ZC3H3: variants seen among roughly 807,000 people sequenced by gnomAD.
ZC3H3 encodes zinc finger CCCH-type containing 3.
A neutral mutation model predicts 77.3 loss-of-function variants in ZC3H3; 36 were observed. The ratio of observed to expected loss-of-function variants is 0.47; its 90% CI spans 0.36 to 0.61. ZC3H3 has a LOEUF of 0.61. Ranked by LOEUF, ZC3H3 falls within the 20% of genes least tolerant of loss-of-function variation. ZC3H3 has a pLI of 0.00. For missense variants in ZC3H3, 1,331 were observed against 1,312.2 expected, an observed-to-expected ratio of 1.01 and a Z score of -0.22; for synonymous variants, 626 against 555.2, an observed-to-expected ratio of 1.13 and a Z score of -1.79.
chr8:143,508,563 T>G (rs989145786), intron 3 of ZC3H3, among the ~76,000 whole-genome samples: 1 of 152,232 alleles, frequency 6.6e-6, no homozygotes, highest in African/African-American at 2.4e-5. Flanking sequence ...GCTGGCAATT[T>G]ACCCACAGCT....
At chr8:143,476,614 G>C (rs1820741700) in intron 4 of ZC3H3, among the ~76,000 whole-genome samples, 1 of 152,232 alleles carries the variant, frequency 6.6e-6, no homozygotes, top group Admixed American at 6.5e-5. Flanking sequence ...TTCCACATGA[G>C]CTCACGCTCT....
At chr8:143,536,057 C>CAGCAG (rs1415302717) in intron 3 of ZC3H3, among the ~76,000 whole-genome samples, 200 bp downstream of exon 3, 1 of 152,232 alleles carries the variant, frequency 6.6e-6, no homozygotes, top group Non-Finnish European at 1.5e-5. Flanking sequence ...GCAGCACATC[C>CAGCAG]CACAGCCAGA....
intron 1 of ZC3H3, among the ~76,000 whole-genome samples, chr8:143,539,805 G>GA (rs1822949625): frequency 1.3e-5 from 2 of 152,158 alleles, no homozygotes; most frequent in Non-Finnish European, 2.9e-5. Flanking sequence ...CTGACAACAG[G>GA]AAAAAAGAAT....
intron 4 of ZC3H3, among the ~76,000 whole-genome samples, chr8:143,503,497 G>A (rs919193432): frequency 2.1e-5 from 3 of 143,562 alleles, no homozygotes; most frequent in Non-Finnish European, 4.8e-5. Flanking sequence ...GCCATCTCCC[G>A]ACCACCTCCC....
At chr8:143,534,210 G>T (rs79374845) in intron 3 of ZC3H3, among the ~76,000 whole-genome samples, 10 of 149,986 alleles carry the variant, frequency 6.7e-5, no homozygotes, top group African/African-American at 2.2e-4. Flanking sequence ...GGTTGAGGCT[G>T]CAATGAGCTG....
chr8:143,484,776 C>G, intron 4 of ZC3H3: 1 of 377,410 alleles, frequency 2.6e-6, no homozygotes, highest in South Asian at 2.0e-5. Context: ...TGCCTAGGCC[C>G]TCAAGGACCC....
chr8:143,482,072 A>G (rs1326295404), intron 4 of ZC3H3, among the ~76,000 whole-genome samples: 1 of 152,248 alleles, frequency 6.6e-6, no homozygotes, highest in Non-Finnish European at 1.5e-5. Context: ...CTCGTTCTCA[A>G]GATGACCAGG....
intron 4 of ZC3H3, among the ~76,000 whole-genome samples, chr8:143,484,107 G>A (rs781044057): frequency 6.6e-6 from 1 of 152,210 alleles, no homozygotes; most frequent in African/African-American, 2.4e-5. Context: ...GGGCCCCTGA[G>A]GACAGGGACA....
chr8:143,450,759 T>G (rs1819968831), intron 9 of ZC3H3, among the ~76,000 whole-genome samples: 1 of 152,034 alleles, frequency 6.6e-6, no homozygotes, highest in African/African-American at 2.4e-5. Flanking sequence ...GCTAAACTAT[T>G]ATAAACCATC....
intron 5 of ZC3H3, among the ~76,000 whole-genome samples, chr8:143,474,612 A>T (rs1324907695): frequency 6.6e-6 from 1 of 152,126 alleles, no homozygotes; most frequent in Non-Finnish European, 1.5e-5. Flanking sequence ...CTGCCGTCGG[A>T]GTCTACCTCC....
chr8:143,441,130 GAA>G lies in ZC3H3; in HGVS notation c.2308-12_2308-11del. 2 of 1,408,264 alleles carry G rather than the reference GAA, an allele frequency of 1.4e-6. No individual in the cohort carries two copies. The highest frequency in any genetic ancestry group is 6.0e-5 in the East Asian group (2 of 33,372). The allele number at this position is 1,408,264 out of a possible 1,614,324, so 87.2% of individuals were successfully genotyped here. A position where few individuals can be genotyped will look rare whatever the true frequency, so the allele number is the denominator to read the frequency against. ...TGTGTTTCTTCTTGCACTGCAGAGA[GAA>G]GGGGTGCAGGTGGGTGGGCCGGCTG... On this transcript the variant is annotated splice_polypyrimidine_tract_variant and intron_variant, in intron 9 of 11. Transcript: ENST00000262577.
At chr8:143,540,072 C>T (rs1822959619) in intron 1 of ZC3H3, among the ~76,000 whole-genome samples, 1 of 152,246 alleles carries the variant, frequency 6.6e-6, no homozygotes, top group African/African-American at 2.4e-5. Context: ...GACGTGTTGA[C>T]GCCCCAGAGC....
intron 3 of ZC3H3, among the ~76,000 whole-genome samples, chr8:143,508,122 G>A (rs1696777639): frequency 6.6e-6 from 1 of 152,258 alleles, no homozygotes; most frequent in African/African-American, 2.4e-5. Flanking sequence ...TGAGAGGCGG[G>A]CACCAGCCCC....
chr8:143,525,352 G>A (rs922521130), intron 3 of ZC3H3, among the ~76,000 whole-genome samples: 3 of 152,270 alleles, frequency 2.0e-5, no homozygotes, highest in Non-Finnish European at 4.4e-5. Flanking sequence ...GGTGGTGCAG[G>A]CACGGGCGTG....
At chr8:143,522,037 G>A (rs977203558) in intron 3 of ZC3H3, among the ~76,000 whole-genome samples, 1 of 152,216 alleles carries the variant, frequency 6.6e-6, no homozygotes, top group Non-Finnish European at 1.5e-5. Flanking sequence ...GTGTGTCTCT[G>A]GGGTCCCTCT....
rs540694252 is a variant in ZC3H3 at position 143,493,707 on chromosome 8, C to T, written c.1715+14039G>A. On this transcript the variant is annotated intron_variant, in intron 4 of 11. Transcript: ENST00000262577. The surrounding 1 kb of genome is among the most constrained non-coding windows in gnomAD (Gnocchi z 4.8). Reference sequence around the variant, plus strand: ...TTCTGTGGCACCTTCCGTGCAAAACCGTATCTCAGCCCATTTATTAGAATG... The same window carrying T: ...TTCTGTGGCACCTTCCGTGCAAAACTGTATCTCAGCCCATTTATTAGAATG... Among the ~76,000 whole-genome samples the T allele has an allele frequency of 3.3e-5, 5 of 152,308 alleles. 1 individual carries two copies. The highest frequency in any genetic ancestry group is 4.1e-4 in the South Asian group (2 of 4,828).
chr8:143,467,055 G>A (rs767593072), intron 8 of ZC3H3, among the ~76,000 whole-genome samples: 17 of 151,936 alleles, frequency 1.1e-4, no homozygotes, highest in African/African-American at 1.2e-4. Flanking sequence ...GTGATTTAAC[G>A]AGCGGGAGTT....
rs76429698 is a variant in ZC3H3, at chr8:143,473,839, C to T, written c.1903+1559G>A. Among the ~76,000 whole-genome samples, 2,071 of 152,310 alleles carry T rather than the reference C, an allele frequency of 0.014. 140 individuals are homozygous for T. The East Asian group carries it at 0.21, about 15-fold the overall frequency. The stretch of plus-strand genomic sequence containing the variant: ...GGTGGCTGGTGGACGGCCACAGGCG[C>T]CTGGGACCTGCTGTGCCAGAGACTG... On this transcript the variant is annotated intron_variant, in intron 5 of 11. Coordinates refer to ENST00000262577, the MANE Select transcript of ZC3H3 (RefSeq NM_015117.3).
At chr8:143,464,149 G>A (rs1426357100) in intron 9 of ZC3H3, among the ~76,000 whole-genome samples, 1 of 152,252 alleles carries the variant, frequency 6.6e-6, no homozygotes, top group Non-Finnish European at 1.5e-5. Context: ...CCGGCTCAGC[G>A]CTTTCCCATA....
Sources: allele counts gnomAD v4.1 joint callset (sites outside exome capture counted in the v4.1 genomes callset), GRCh38; gene constraint gnomAD v4.1.1; non-coding constraint Gnocchi (gnomAD v3.1); transcripts MANE v1.5; gene names NCBI Gene and HGNC (gene_info 2026-07-23, HGNC 2026-07-21).